The following NSG1 variants were observed in gnomAD, a reference collection of about 807,000 sequenced individuals.
NSG1 encodes the protein neuronal vesicle trafficking associated 1.
Under a neutral mutation model 19.3 loss-of-function variants are expected in NSG1, and 9 were observed. The observed-to-expected ratio is 0.47, with a 90% CI of 0.28 to 0.81. The LOEUF (loss-of-function observed/expected upper bound fraction) is 0.81. NSG1 is among the 40% of genes least tolerant of loss of function. The pLI is 0.11. For synonymous variants in NSG1, 104 were observed against 107.0 expected (o/e 0.97, Z 0.17); for missense variants, 236 against 242.4 (o/e 0.97, Z 0.18).
At chr4:4,395,857 G>A (rs1723225074) in intron 3 of NSG1, among the ~76,000 whole-genome samples, 1 of 152,232 alleles carries the variant, frequency 6.6e-6, no homozygotes, top group African/African-American at 2.4e-5. Flanking sequence ...GTGTAGCTCA[G>A]AAGCACCTCA....
chr4:4,416,691 G>A (rs1041554628), intron 4 of NSG1, among the ~76,000 whole-genome samples: 11 of 146,742 alleles, frequency 7.5e-5, no homozygotes, highest in African/African-American at 2.8e-4. Context: ...CTACCCCCTC[G>A]CCATCTTCCC....
At chr4:4,393,829 C>T (rs1284819812) in intron 3 of NSG1, among the ~76,000 whole-genome samples, 3 of 152,128 alleles carry the variant, frequency 2.0e-5, no homozygotes, top group African/African-American at 7.2e-5. Context: ...CCATGGGACG[C>T]CTGCTGCTTC....
chr4:4,404,822 G>A (rs1490985377), intron 3 of NSG1, among the ~76,000 whole-genome samples: 1 of 152,134 alleles, frequency 6.6e-6, no homozygotes, highest in African/African-American at 2.4e-5. Flanking sequence ...CTGCATTCAC[G>A]ATTGGTGTCC....
chr4:4,397,192 C>G (rs1723300098), intron 3 of NSG1, among the ~76,000 whole-genome samples: 1 of 150,672 alleles, frequency 6.6e-6, no homozygotes, highest in East Asian at 1.9e-4. Flanking sequence ...AGCAGAAATG[C>G]TCATTTCCTT....
rs1377438895 is a variant in NSG1, at chr4:4,418,184, G to A, written c.*749G>A. The A allele has an allele frequency of 6.6e-6, 1 of 152,562 alleles. No homozygotes were observed. Among genetic ancestry groups the A allele is most frequent in the African/African-American group, 2.4e-5 (1 of 41,462 alleles). The allele number at this position is 152,562 out of a possible 1,614,324, so 9.5% of individuals were successfully genotyped here. On this transcript the variant is annotated 3_prime_UTR_variant, in exon 5 of 5. Transcript: ENST00000621129. ...GGAAGAGACGGCCCTGGGCCCGTGA[G>A]GTGCAGAACTCTCCCTGCAGGTAGT...
intron 4 of NSG1, 127 bp downstream of exon 4, chr4:4,409,810 GC>G: frequency 1.4e-6 from 1 of 736,346 alleles, no homozygotes; most frequent in Non-Finnish European, 2.4e-6. Flanking sequence ...GCAGCAGGGG[GC>G]CAGTGTCAGG....
At chr4:4,411,028 G>T (rs930074581) in intron 4 of NSG1, among the ~76,000 whole-genome samples, 1 of 152,036 alleles carries the variant, frequency 6.6e-6, no homozygotes, top group Admixed American at 6.6e-5. Context: ...GCTAATTTTT[G>T]TATTTTTAGT....
intron 4 of NSG1, among the ~76,000 whole-genome samples, chr4:4,416,538 G>T (rs530711800): frequency 6.6e-6 from 1 of 152,244 alleles, no homozygotes; most frequent in African/African-American, 2.4e-5. Flanking sequence ...GCCAAAACAG[G>T]GAAAACGCCC....
rs530938007 is a variant in NSG1 at position 4,412,738 on chromosome 4, G to A, written c.357+3055G>A. ...TGGGCTCCCGTTATCCATACACTCA[G>A]TAGCTGGCTCTGAACTTCCCAGAGT... On this transcript the variant is annotated intron_variant, in intron 4 of 4. Coordinates refer to ENST00000621129, the MANE Select transcript of NSG1 (RefSeq NM_014392.5). Among the ~76,000 whole-genome samples the A allele has an allele frequency of 8.1e-4, 123 of 152,318 alleles. 2 individuals carry two copies. The highest frequency in any genetic ancestry group is 1.3e-3 in the Admixed American group (20 of 15,302).
chr4:4,393,174 A>T (rs1416627482), intron 3 of NSG1, among the ~76,000 whole-genome samples: 2 of 152,110 alleles, frequency 1.3e-5, no homozygotes, highest in Non-Finnish European at 2.9e-5. Context: ...TGGGTTTCTC[A>T]GGCCCCACTT....
chr4:4,393,134 G>A (rs1228141028), intron 3 of NSG1, among the ~76,000 whole-genome samples: 1 of 152,156 alleles, frequency 6.6e-6, no homozygotes, highest in East Asian at 1.9e-4. Flanking sequence ...TGTCCTGATG[G>A]CTAAATGCTG....
intron 3 of NSG1, among the ~76,000 whole-genome samples, chr4:4,393,712 G>A (rs1469369546): frequency 1.3e-5 from 2 of 152,184 alleles, no homozygotes; most frequent in Non-Finnish European, 2.9e-5. Flanking sequence ...ACGTAAGGCT[G>A]TTGAGTCCCA....
At position 4,416,301 on chromosome 4, in the gene NSG1, G is replaced by A. The variant is rs548485388; in HGVS notation, c.358-934G>A. 1.1e-3 allele frequency: 750 copies of A among 680,356 alleles called. 1 individual carries two copies. Among genetic ancestry groups the A allele is most frequent in the Non-Finnish European group, 1.5e-3 (561 of 375,682 alleles). The allele number at this position is 680,356 out of a possible 1,614,324, so 42.1% of individuals were successfully genotyped here. On this transcript the variant is annotated intron_variant, in intron 4 of 4. Coordinates refer to ENST00000621129, the MANE Select transcript of NSG1 (RefSeq NM_014392.5). ...ACACTGGATGCGGGGCAGTGTTGGT[G>A]AGAAGCACATTCCATTTGTCATTTC... is the stretch of plus-strand genomic sequence containing the variant.
In NSG1 at chr4:4,418,000, C is replaced by T. The variant is rs981271006; in HGVS notation, c.*565C>T. 1.3e-4 allele frequency: 21 copies of T among 162,448 alleles called. No individual in the cohort carries two copies. Among genetic ancestry groups the T allele is most frequent in the Admixed American group, 6.5e-4 (11 of 16,858 alleles). The allele number at this position is 162,448 out of a possible 1,614,324, so 10.1% of individuals were successfully genotyped here. ...TGCTGACTCCTGAGTCGGGGTGGGA[C>T]GGCCCTGCAATGTGGCAGGCTCGGT... On this transcript the variant is annotated 3_prime_UTR_variant, in exon 5 of 5. Transcript: ENST00000621129.
chr4:4,405,642 G>A (rs1723813517), intron 3 of NSG1, among the ~76,000 whole-genome samples: 1 of 152,200 alleles, frequency 6.6e-6, no homozygotes, highest in Admixed American at 6.5e-5. Flanking sequence ...CCCTGCAGTG[G>A]CTGAGGAGAC....
Position 4,389,085 on chromosome 4 carries a change from C to G in NSG1, c.129+1327C>G, listed in dbSNP as rs941471132. On this transcript the variant is annotated intron_variant, in intron 2 of 4. Coordinates refer to ENST00000621129, the MANE Select transcript of NSG1 (RefSeq NM_014392.5). ...CCTCCTGCCTGGGCCCCCAGCTGCT[C>G]GGCTGAGGAGCAGTGGCGCCTGTGC... Among the ~76,000 whole-genome samples the G allele has an allele frequency of 2.0e-5, 3 of 152,266 alleles. No homozygotes were observed. In the South Asian group the frequency reaches 6.2e-4, roughly 31 times the overall value.
chr4:4,409,486 TG>T, intron 3 of NSG1, 86 bp from the exon 4 acceptor site: 1 of 957,550 alleles, frequency 1.0e-6, no homozygotes, highest in Non-Finnish European at 1.7e-6. Flanking sequence ...GCACATGCTG[TG>T]TGGGGGGGGG....
chr4:4,401,988 C>T (rs1410562465), intron 3 of NSG1, among the ~76,000 whole-genome samples: 1 of 151,704 alleles, frequency 6.6e-6, no homozygotes. Context: ...TGAAGCGATC[C>T]TCCCAAATCA....
Position 4,417,258 on chromosome 4 carries a change from C to T in NSG1, c.381C>T (p.Gly127=). 6.2e-7 allele frequency: 1 copy of T among 1,614,104 alleles called. No homozygotes were observed. The highest frequency in any genetic ancestry group is 8.5e-7 in the Non-Finnish European group (1 of 1,180,030). ...AGAACACCCAGTGCATCCCAGAAGG[C>T]TTGGAGAGCTACTACGCGGAGCAAG... The part of the protein sequence containing the change: ...VLKNTQCIPE[G]LESYYAEQDS... Residue 127 remains glycine (G), a synonymous_variant, in exon 5 of 5, where the codon GGC becomes GGT. Transcript: ENST00000621129.
Sources: allele counts gnomAD v4.1 joint callset (sites outside exome capture counted in the v4.1 genomes callset), GRCh38; gene constraint gnomAD v4.1.1; transcripts MANE v1.5; gene names NCBI Gene and HGNC (gene_info 2026-07-23, HGNC 2026-07-21).